LRRTM4: variants seen among roughly 807,000 people sequenced by gnomAD.
The protein encoded by LRRTM4 is leucine-rich repeat transmembrane neuronal protein 4.
Under a neutral mutation model 47.6 loss-of-function variants are expected in LRRTM4, and 25 were observed. The observed-to-expected ratio is 0.53, with a 90% CI of 0.38 to 0.73. The LOEUF (loss-of-function observed/expected upper bound fraction) is 0.73, where lower values mean the gene tolerates loss of function less well. LRRTM4 is among the 30% of genes least tolerant of loss of function. The pLI is 0.00. For synonymous variants in LRRTM4, 311 were observed against 269.5 expected (o/e 1.15, Z -1.51); for missense variants, 638 against 713.4 (o/e 0.89, Z 1.20).
intron 3 of LRRTM4, among the ~76,000 whole-genome samples, chr2:77,019,007 C>G (rs951201755): frequency 6.6e-6 from 1 of 151,814 alleles, no homozygotes; most frequent in East Asian, 1.9e-4. Flanking sequence ...AATGAAATAT[C>G]TTGTAACAGA....
intron 3 of LRRTM4, among the ~76,000 whole-genome samples, chr2:76,863,327 C>CT (rs1294489690): frequency 1.3e-5 from 2 of 152,156 alleles, no homozygotes; most frequent in Admixed American, 1.3e-4. Flanking sequence ...TATTTCCTCA[C>CT]TTTTTAAATT....
At chr2:76,935,940 C>T (rs981020929) in intron 3 of LRRTM4, among the ~76,000 whole-genome samples, 1 of 152,110 alleles carries the variant, frequency 6.6e-6, no homozygotes, top group African/African-American at 2.4e-5. Context: ...GGAATGCTTC[C>T]AGTTTTTGCT....
At chr2:76,840,313 G>A (rs1358280391) in intron 3 of LRRTM4, among the ~76,000 whole-genome samples, 1 of 152,150 alleles carries the variant, frequency 6.6e-6, no homozygotes, top group Non-Finnish European at 1.5e-5. Flanking sequence ...ACAATTGTTT[G>A]GGTAAAAGCA....
intron 3 of LRRTM4, among the ~76,000 whole-genome samples, chr2:77,044,593 G>A (rs899426349): frequency 4.0e-5 from 6 of 151,114 alleles, no homozygotes; most frequent in African/African-American, 1.5e-4. Context: ...AGGATTTAGT[G>A]GGAGTGAAAA....
chr2:77,481,868 G>GT (rs565493377), intron 3 of LRRTM4, among the ~76,000 whole-genome samples: 13 of 125,894 alleles, frequency 1.0e-4, no homozygotes, highest in Admixed American at 3.5e-4. Flanking sequence ...AGAGTGAAGG[G>GT]TTTTTTTTTT....
chr2:76,838,088 A>C (rs1671568826), intron 3 of LRRTM4, among the ~76,000 whole-genome samples: 1 of 138,810 alleles, frequency 7.2e-6, no homozygotes, highest in South Asian at 2.4e-4. Flanking sequence ...AAGTATAATA[A>C]TAATAATAAT....
intron 3 of LRRTM4, among the ~76,000 whole-genome samples, chr2:77,052,040 C>A: frequency 6.7e-6 from 1 of 150,352 alleles, no homozygotes; most frequent in East Asian, 2.0e-4. Context: ...TAGATTGTGT[C>A]TGAAGACATT....
Position 77,483,118 on chromosome 2 carries a change from C to CAAAAAAAAAA in LRRTM4, c.1551+35190_1551+35199dup, listed in dbSNP as rs776265725. Among the ~76,000 whole-genome samples the CAAAAAAAAAA allele has an allele frequency of 1.1e-3, 69 of 60,592 alleles. 9 individuals are homozygous for CAAAAAAAAAA. In the East Asian group the frequency reaches 0.024, roughly 21 times the overall value. The allele number at this position is 60,592 out of a possible 152,430, so 39.8% of individuals were successfully genotyped here. Reference sequence around the variant, plus strand: ...CCTAGGAGGCAGAGCAAGACTGTCTCAAAAAAAAAAAAAAAAAAAAAAAAA... The same window carrying CAAAAAAAAAA: ...CCTAGGAGGCAGAGCAAGACTGTCTCAAAAAAAAAAAAAAAAAAAAAAAAAAAAAAAAAAA... On this transcript the variant is annotated intron_variant, in intron 3 of 3. Coordinates refer to ENST00000409884, the MANE Select transcript of LRRTM4 (RefSeq NM_001134745.3).
chr2:76,799,608 T>C lies in LRRTM4; in HGVS notation c.1552-50692A>G, dbSNP rs1210443857. On this transcript the variant is annotated intron_variant, in intron 3 of 3. Transcript: ENST00000409884. Reference sequence around the variant, plus strand: ...TGTTGGAAGTTCTGGCCAGGGTAATTAGGCAGGAGAAGGAAATAAAGGGTA... The same window carrying C: ...TGTTGGAAGTTCTGGCCAGGGTAATCAGGCAGGAGAAGGAAATAAAGGGTA... Among the ~76,000 whole-genome samples the C allele has an allele frequency of 5.7e-5, 8 of 139,658 alleles. No individual in the cohort carries two copies. The East Asian group carries it at 1.6e-3, about 29-fold the overall frequency. The allele number at this position is 139,658 out of a possible 152,430, so 91.6% of individuals were successfully genotyped here. A position where few individuals can be genotyped will look rare whatever the true frequency, so the allele number is the denominator to read the frequency against.
intron 3 of LRRTM4, among the ~76,000 whole-genome samples, chr2:77,332,379 C>G (rs1228163948): frequency 6.6e-6 from 1 of 152,100 alleles, no homozygotes; most frequent in African/African-American, 2.4e-5. Flanking sequence ...ATTATAGTCT[C>G]AATTATTCAT....
At chr2:77,050,619 C>G (rs1177045913) in intron 3 of LRRTM4, among the ~76,000 whole-genome samples, 1 of 152,122 alleles carries the variant, frequency 6.6e-6, no homozygotes, top group Non-Finnish European at 1.5e-5. Flanking sequence ...TTGCCAGTAA[C>G]TCCTTGGAAC....
chr2:77,050,128 C>CTTTTTTTTTTTTT (rs745419725), intron 3 of LRRTM4, among the ~76,000 whole-genome samples: 1 of 112,698 alleles, frequency 8.9e-6, no homozygotes, highest in African/African-American at 3.5e-5. Flanking sequence ...AGAACCAAGT[C>CTTTTTTTTTTTTT]TTTTTTTTTT....
chr2:77,103,949 C>A (rs1671027492), intron 3 of LRRTM4, among the ~76,000 whole-genome samples: 1 of 152,222 alleles, frequency 6.6e-6, no homozygotes, highest in East Asian at 1.9e-4. Flanking sequence ...GATCTCAGTT[C>A]TGATCTGTCC....
intron 3 of LRRTM4, among the ~76,000 whole-genome samples, chr2:77,002,444 T>G (rs906717322): frequency 6.6e-6 from 1 of 152,208 alleles, no homozygotes; most frequent in African/African-American, 2.4e-5. Context: ...ATAAATAGTA[T>G]ATGGGTCTGT....
chr2:76,902,051 G>A (rs1055976758), intron 3 of LRRTM4, among the ~76,000 whole-genome samples: 1 of 152,152 alleles, frequency 6.6e-6, no homozygotes, highest in African/African-American at 2.4e-5. Flanking sequence ...TGCAAGAAAT[G>A]TTTAGATTTC....
intron 3 of LRRTM4, among the ~76,000 whole-genome samples, chr2:76,998,653 C>T (rs561707221): frequency 5.3e-5 from 8 of 151,410 alleles, no homozygotes; most frequent in South Asian, 4.2e-4. Flanking sequence ...ATAAAATTTA[C>T]GTGTATCCCG....
At chr2:77,128,685 G>A (rs1671717247) in intron 3 of LRRTM4, among the ~76,000 whole-genome samples, 2 of 152,130 alleles carry the variant, frequency 1.3e-5, no homozygotes, top group South Asian at 2.1e-4. Context: ...CAGGCTGGAG[G>A]CTGGAGTGCA....
rs939515687 is a variant in LRRTM4, at chr2:76,797,466, C to T, written c.1552-48550G>A. On this transcript the variant is annotated intron_variant, in intron 3 of 3. Transcript: ENST00000409884. ...GCCCTAAAAGAGCTCCTGAAGAAAG[C>T]ACTAAACATGGAAAGGAACAACCGG... Among the ~76,000 whole-genome samples the T allele has an allele frequency of 9.2e-5, 14 of 151,988 alleles. No homozygotes were observed. In the South Asian group the frequency reaches 1.0e-3, roughly 11 times the overall value.
At chr2:77,136,057 C>T (rs984772586) in intron 3 of LRRTM4, among the ~76,000 whole-genome samples, 1 of 152,092 alleles carries the variant, frequency 6.6e-6, no homozygotes. Context: ...CAGCTTCAGT[C>T]TACAGCTCCC....
Sources: allele counts gnomAD v4.1 joint callset (sites outside exome capture counted in the v4.1 genomes callset), GRCh38; gene constraint gnomAD v4.1.1; transcripts MANE v1.5; gene names NCBI Gene and HGNC (gene_info 2026-07-23, HGNC 2026-07-21).